The following TBXA2R variants were observed in gnomAD, a reference collection of about 807,000 sequenced individuals.
The protein encoded by TBXA2R is thromboxane A2 receptor.
In TBXA2R, 15 loss-of-function variants were observed where a neutral mutation model predicts 15.6. That is an observed-to-expected ratio of 0.96 (90% CI 0.64 to 1.48). The LOEUF is 1.48. TBXA2R is among the 40% of genes most tolerant of loss of function. The pLI is 0.00. For missense variants in TBXA2R, 506 were observed against 491.4 expected, an observed-to-expected ratio of 1.03 and a Z score of -0.28; for synonymous variants, 280 against 241.2, an observed-to-expected ratio of 1.16 and a Z score of -1.49.
intron 1 of TBXA2R, among the ~76,000 whole-genome samples, chr19:3,601,765 A>G (rs1198517198): frequency 6.6e-6 from 1 of 152,018 alleles, no homozygotes; most frequent in Non-Finnish European, 1.5e-5. Context: ...CATCTTCACT[A>G]AAAATACAAA....
chr19:3,594,935 C>T lies in TBXA2R; in HGVS notation c.*753G>A. 1.3e-6 allele frequency: 2 copies of T among 1,536,378 alleles called. No individual in the cohort carries two copies. Among genetic ancestry groups the T allele is most frequent in the Non-Finnish European group, 1.7e-6 (2 of 1,146,840 alleles). On this transcript the variant is annotated 3_prime_UTR_variant, in exon 3 of 3. Coordinates refer to ENST00000375190, the MANE Select transcript of TBXA2R (RefSeq NM_001060.6). ...ATTCAGGGTCAAAGAGCATGCAAGG[C>T]CGGGCGCAGTGGCTTACGCCTGTAA...
At chr19:3,598,524 T>G (rs2032647537) in intron 2 of TBXA2R, among the ~76,000 whole-genome samples, 1 of 149,260 alleles carries the variant, frequency 6.7e-6, no homozygotes, top group African/African-American at 2.5e-5. Flanking sequence ...TTAATTTTTT[T>G]TAGTTTTAGT....
intron 1 of TBXA2R, among the ~76,000 whole-genome samples, chr19:3,601,454 T>C (rs955319525): frequency 2.0e-5 from 3 of 151,258 alleles, no homozygotes. Flanking sequence ...GAGCCCCAGA[T>C]GTTGAGGCTG....
Position 3,594,713 on chromosome 19 carries a change from C to T in TBXA2R, c.*975G>A, listed in dbSNP as rs969278792. 15 of 799,910 alleles carry T rather than the reference C, an allele frequency of 1.9e-5. No homozygotes were observed. The highest frequency in any genetic ancestry group is 5.5e-5 in the Admixed American group (2 of 36,520). The allele number at this position is 799,910 out of a possible 1,614,324, so 49.6% of individuals were successfully genotyped here. The stretch of plus-strand genomic sequence containing the variant: ...TCCCCATCCTTCCCAGCCCTGCCCT[C>T]GTCTGCTCCGGGTGAGGCCCAATGC... On this transcript the variant is annotated 3_prime_UTR_variant, in exon 3 of 3. Coordinates refer to ENST00000375190, the MANE Select transcript of TBXA2R (RefSeq NM_001060.6).
chr19:3,594,574 C>A lies in TBXA2R; in HGVS notation c.*1114G>T. ...GTTTGATTGCAGGTTCCAGGGCTAA[C>A]CTGTAGCCCTCCCATTACAGGCTGC... On this transcript the variant is annotated 3_prime_UTR_variant, in exon 3 of 3. Transcript: ENST00000375190. 3.0e-6 allele frequency: 1 copy of A among 328,854 alleles called. No individual in the cohort carries two copies. The highest frequency in any genetic ancestry group is 4.6e-5 in the South Asian group (1 of 21,828). The allele number at this position is 328,854 out of a possible 1,614,324, so 20.4% of individuals were successfully genotyped here.
chr19:3,605,065 C>T (rs927647253), intron 1 of TBXA2R, among the ~76,000 whole-genome samples: 1 of 152,228 alleles, frequency 6.6e-6, no homozygotes, highest in African/African-American at 2.4e-5. Flanking sequence ...AACAGGGTCC[C>T]CAGCCCACAC....
At position 3,595,743 on chromosome 19, in the gene TBXA2R, C is replaced by G. The variant is rs745986396; in HGVS notation, c.977G>C (p.Arg326Pro). 6.2e-7 allele frequency: 1 copy of G among 1,604,536 alleles called. No individual in the cohort carries two copies. Among genetic ancestry groups the G allele is most frequent in the Non-Finnish European group, 8.5e-7 (1 of 1,176,384 alleles). The stretch of plus-strand genomic sequence containing the variant: ...GGGCTGGAGGGACAGCGACCTGGGC[C>G]GGGTGCTGAGGCGAGGCTGGAGACG... ...LRRLQPRLSTRPRSLSLQPQL... is the reference protein window; with the variant it reads ...LRRLQPRLSTPPRSLSLQPQL... Residue 326 changes from arginine (R) to proline (P), a missense_variant, in exon 3 of 3, where the codon CGG becomes CCG. By Grantham distance (103) the Arg-to-Pro change is moderately radical. Transcript: ENST00000375190.
Position 3,600,463 on chromosome 19 carries a change from G to C in TBXA2R, c.172C>G (p.His58Asp). The C allele has an allele frequency of 1.2e-6, 2 of 1,612,790 alleles. No homozygotes were observed. Among genetic ancestry groups the C allele is most frequent in the Non-Finnish European group, 1.7e-6 (2 of 1,179,656 alleles). Residue 58 changes from histidine (H) to aspartate (D), a missense_variant, in exon 2 of 3, where the codon CAC (histidine) becomes GAC (aspartate). Coordinates refer to ENST00000375190, the MANE Select transcript of TBXA2R (RefSeq NM_001060.6). Reference sequence around the variant, plus strand: ...AAGGTGAGGAAGGAGGAGCGCGTGTGCGAACCCCCCTGCCGCGCGCCCGCC... The same window carrying C: ...AAGGTGAGGAAGGAGGAGCGCGTGTCCGAACCCCCCTGCCGCGCGCCCGCC... Reference protein sequence around the residue: ...VLAGARQGGSHTRSSFLTFLC... With the variant: ...VLAGARQGGSDTRSSFLTFLC...
rs565830574 is a variant in TBXA2R at position 3,596,343 on chromosome 19, T to C, written c.787-410A>G. Among the ~76,000 whole-genome samples, 279 of 152,270 alleles carry C rather than the reference T, an allele frequency of 1.8e-3. 2 individuals are homozygous for C. The highest frequency in any genetic ancestry group is 6.5e-3 in the African/African-American group (270 of 41,566). ...CTGCGCCCGGCCAGTGTCCACTCTG[T>C]TACTGCATTGCTGGGTGACCTCAGG... On this transcript the variant is annotated intron_variant, in intron 2 of 2. Coordinates refer to ENST00000375190, the MANE Select transcript of TBXA2R (RefSeq NM_001060.6).
At chr19:3,599,117 C>T (rs1318840792) in intron 2 of TBXA2R, among the ~76,000 whole-genome samples, 3 of 152,134 alleles carry the variant, frequency 2.0e-5, no homozygotes, top group Admixed American at 2.0e-4. Context: ...GCCACGCCTA[C>T]TCATTTATGT....
rs188316633 is a variant in TBXA2R at position 3,602,078 on chromosome 19, G to A, written c.-83-1361C>T. 2.0e-3 allele frequency among the ~76,000 whole-genome samples: 297 copies of A among 150,178 alleles called. 1 individual carries two copies. The highest frequency in any genetic ancestry group is 6.6e-3 in the African/African-American group (271 of 40,782). The stretch of plus-strand genomic sequence containing the variant: ...CTACTAAAAATACAAAAAATTAGCC[G>A]GGCGTGGTGGCGGGAGCCTGTAGTC... On this transcript the variant is annotated intron_variant, in intron 1 of 2. Transcript: ENST00000375190.
At chr19:3,605,898 C>CAGACATAGACACACACAGATAT (rs375578337) in intron 1 of TBXA2R, among the ~76,000 whole-genome samples, 5,147 of 150,450 alleles carry the variant, frequency 0.034, 191 homozygotes, top group African/African-American at 0.089. Context: ...AGAAACACGA[C>CAGACATAGACACACACAGATAT]AGACATAGAC....
intron 2 of TBXA2R, among the ~76,000 whole-genome samples, chr19:3,597,142 A>C (rs2032619554): frequency 6.6e-6 from 1 of 151,060 alleles, no homozygotes; most frequent in Non-Finnish European, 1.5e-5. Context: ...GGGTTTCTCC[A>C]TGTTGGTCAG....
intron 1 of TBXA2R, among the ~76,000 whole-genome samples, chr19:3,603,198 C>A (rs2032771711): frequency 6.6e-6 from 1 of 152,242 alleles, no homozygotes; most frequent in Admixed American, 6.5e-5. Flanking sequence ...AAATGGGTGA[C>A]TGTGGCCCTC....
In TBXA2R at chr19:3,595,734, G is replaced by A. The variant is rs201679561; in HGVS notation, c.986C>T (p.Ser329Leu). ...CGTGAGCTGGGGCTGGAGGGACAGC[G>A]ACCTGGGCCGGGTGCTGAGGCGAGG... is the stretch of plus-strand genomic sequence containing the variant. Reference protein sequence around the residue: ...LQPRLSTRPRSLSLQPQLTQR... With the variant: ...LQPRLSTRPRLLSLQPQLTQR... The change falls in exon 3 of 3, where the codon TCG (serine) becomes TTG (leucine). Residue 329 changes from serine to leucine, a missense_variant. Transcript: ENST00000375190. 11 of 1,602,328 alleles carry A rather than the reference G, an allele frequency of 6.9e-6. No individual in the cohort carries two copies. The South Asian group carries it at 7.8e-5, about 11-fold the overall frequency.
At chr19:3,601,987 C>T (rs540621897) in intron 1 of TBXA2R, among the ~76,000 whole-genome samples, 7 of 151,712 alleles carry the variant, frequency 4.6e-5, no homozygotes, top group Admixed American at 1.3e-4. Context: ...TTTGGGAGGC[C>T]GAGGCGGGCG....
chr19:3,600,151 C>G lies in TBXA2R; in HGVS notation c.484G>C (p.Ala162Pro). The G allele has an allele frequency of 6.2e-7, 1 of 1,604,732 alleles. No homozygotes were observed. Among genetic ancestry groups the G allele is most frequent in the Non-Finnish European group, 8.5e-7 (1 of 1,176,492 alleles). ...CCCAGCAGGGGCAGCAGGCCCAGCG[C>G]CAGCGCGGCCGCCCACACCAGCCCC... ...TVGLVWAAAL[A>P]LGLLPLLGVG... The change falls in exon 2 of 3, where the codon GCG becomes CCG. Residue 162 changes from alanine to proline, a missense_variant. Physicochemically the swap from Ala to Pro is conservative, Grantham distance 27. Transcript: ENST00000375190.
chr19:3,604,828 G>C (rs1184561747), intron 1 of TBXA2R, among the ~76,000 whole-genome samples: 1 of 152,192 alleles, frequency 6.6e-6, no homozygotes, highest in Non-Finnish European at 1.5e-5. Flanking sequence ...AGGGAGCCCT[G>C]AGGCTCCGTG....
rs2032685278 is a variant in TBXA2R at position 3,599,926 on chromosome 19, G to A, written c.709C>T (p.Arg237Trp). ...GCCATCATCTCCACCTCGGAGTCCCGGGGACGCTGCTGGGCCGCCTCCTGC... is the reference window on the plus strand; with the variant it reads ...GCCATCATCTCCACCTCGGAGTCCCAGGGACGCTGCTGGGCCGCCTCCTGC... ...HGQEAAQQRPRDSEVEMMAQL... is the reference protein window; with the variant it reads ...HGQEAAQQRPWDSEVEMMAQL... Residue 237 changes from arginine to tryptophan, a missense_variant, in exon 2 of 3, where the codon CGG becomes TGG. By Grantham distance (101) the Arg-to-Trp change is moderately radical. Transcript: ENST00000375190. 2 of 1,551,388 alleles carry A rather than the reference G, an allele frequency of 1.3e-6. No homozygotes were observed. The highest frequency in any genetic ancestry group is 1.7e-6 in the Non-Finnish European group (2 of 1,148,166).
Sources: gnomAD v4.1 joint callset for allele counts (sites outside exome capture counted in the v4.1 genomes callset) on GRCh38, gnomAD v4.1.1 for gene constraint, MANE v1.5 for transcripts, NCBI Gene and HGNC (gene_info 2026-07-23, HGNC 2026-07-21) for gene names.